Variants in KCNK1 observed in about 807,000 individuals in gnomAD.
KCNK1 encodes the protein potassium channel subfamily K member 1.
Under a neutral mutation model 22.2 loss-of-function variants are expected in KCNK1, and 10 were observed. The observed-to-expected ratio is 0.45, with a 90% CI of 0.28 to 0.76. The LOEUF (loss-of-function observed/expected upper bound fraction) is 0.76, where lower values mean the gene tolerates loss of function less well. Among genes scored for constraint, KCNK1 ranks in the 30% least tolerant of loss-of-function variants. The pLI is 0.14. For synonymous variants in KCNK1, 200 were observed against 186.4 expected (o/e 1.07, Z -0.60); for missense variants, 378 against 421.0 (o/e 0.90, Z 0.89).
intron 1 of KCNK1, among the ~76,000 whole-genome samples, chr1:233,652,265 A>G (rs1027331077): frequency 1.3e-5 from 2 of 152,124 alleles, no homozygotes; most frequent in Non-Finnish European, 2.9e-5. Flanking sequence ...TAAATTCTGG[A>G]AACATCCAGG....
At chr1:233,616,238 G>A (rs1657486489) in intron 1 of KCNK1, among the ~76,000 whole-genome samples, 1 of 152,176 alleles carries the variant, frequency 6.6e-6, no homozygotes, top group Admixed American at 6.5e-5. Context: ...GATGCTTATA[G>A]CGTGTGGTGT....
At chr1:233,614,963 A>G (rs1312670407) in intron 1 of KCNK1, among the ~76,000 whole-genome samples, 2 of 152,022 alleles carry the variant, frequency 1.3e-5, no homozygotes, top group Non-Finnish European at 2.9e-5. Context: ...ATGGAAACTC[A>G]CCACCTTCCT....
Position 233,614,498 on chromosome 1 carries a change from C to T in KCNK1, c.327C>T (p.Phe109=). 3 of 1,608,332 alleles carry T rather than the reference C, an allele frequency of 1.9e-6. 1 individual carries two copies. In the South Asian group the frequency reaches 3.3e-5, roughly 18 times the overall value. The change falls in exon 1 of 3, where the codon TTC becomes TTT. Residue 109 remains phenylalanine (F), a synonymous_variant. Coordinates refer to ENST00000366621, the MANE Select transcript of KCNK1 (RefSeq NM_002245.4). ...ACTGGGACTTCACCTCCGCGCTCTTCTTCGCCAGCACCGTGCTCTCCACCA... is the reference window on the plus strand; with the variant it reads ...ACTGGGACTTCACCTCCGCGCTCTTTTTCGCCAGCACCGTGCTCTCCACCA... The part of the protein sequence containing the change: ...NWNWDFTSAL[F]FASTVLSTTG...
chr1:233,641,884 C>T (rs1356033036), intron 1 of KCNK1, among the ~76,000 whole-genome samples: 1 of 152,210 alleles, frequency 6.6e-6, no homozygotes, highest in Non-Finnish European at 1.5e-5. Context: ...TTTTGAGTGT[C>T]TGCAGGGAGC....
chr1:233,616,721 A>G (rs541765017), intron 1 of KCNK1, among the ~76,000 whole-genome samples: 6 of 152,316 alleles, frequency 3.9e-5, no homozygotes, highest in South Asian at 2.1e-4. Context: ...GACACATTTG[A>G]TATTTCTTAA....
chr1:233,620,455 A>G (rs1033725126), intron 1 of KCNK1, among the ~76,000 whole-genome samples: 3 of 152,206 alleles, frequency 2.0e-5, no homozygotes, highest in African/African-American at 7.2e-5. Context: ...ACCACTTTCA[A>G]AACAAATGTT....
intron 1 of KCNK1, among the ~76,000 whole-genome samples, chr1:233,618,400 C>A (rs1657522714): frequency 6.7e-6 from 1 of 149,232 alleles, no homozygotes. Context: ...TTTTTTTCCC[C>A]AAGGATTGAG....
intron 1 of KCNK1, among the ~76,000 whole-genome samples, chr1:233,656,516 C>G (rs1180755929): frequency 1.3e-5 from 2 of 152,178 alleles, no homozygotes; most frequent in African/African-American, 4.8e-5. Context: ...AGTGCTTTTT[C>G]CCCTTGGCTT....
intron 1 of KCNK1, among the ~76,000 whole-genome samples, chr1:233,625,826 C>A (rs1193203142): frequency 6.6e-6 from 1 of 151,972 alleles, no homozygotes; most frequent in African/African-American, 2.4e-5. Context: ...GAGCTGTGTT[C>A]CAGAACAAAG....
At chr1:233,662,716 A>C (rs924067778) in intron 1 of KCNK1, among the ~76,000 whole-genome samples, 2 of 152,232 alleles carry the variant, frequency 1.3e-5, no homozygotes, top group African/African-American at 4.8e-5. Context: ...ATGCAAGCTC[A>C]TAACAGGAAA....
At chr1:233,653,283 CA>C (rs1474759972) in intron 1 of KCNK1, among the ~76,000 whole-genome samples, 1 of 152,220 alleles carries the variant, frequency 6.6e-6, no homozygotes, top group African/African-American at 2.4e-5. Context: ...CATGGCATGG[CA>C]TGCCCCACTT....
At chr1:233,662,940 T>C (rs1035088825) in intron 1 of KCNK1, among the ~76,000 whole-genome samples, 11 of 152,228 alleles carry the variant, frequency 7.2e-5, no homozygotes, top group African/African-American at 2.7e-4. Flanking sequence ...TCGTGGTTTG[T>C]AATGGAGTTA....
At chr1:233,646,676 A>G (rs984946552) in intron 1 of KCNK1, among the ~76,000 whole-genome samples, 7 of 152,160 alleles carry the variant, frequency 4.6e-5, no homozygotes, top group Non-Finnish European at 8.8e-5. Context: ...CCAAGAAGAA[A>G]GAACCAACAC....
intron 1 of KCNK1, chr1:233,631,373 C>G (rs1189388176): frequency 4.1e-6 from 2 of 481,978 alleles, no homozygotes; most frequent in East Asian, 6.0e-5. Flanking sequence ...TTTAATTAGG[C>G]CTGCTTCTTT....
intron 1 of KCNK1, among the ~76,000 whole-genome samples, chr1:233,633,440 T>C (rs1657840331): frequency 6.6e-6 from 1 of 152,120 alleles, no homozygotes; most frequent in Non-Finnish European, 1.5e-5. Context: ...TTAATGTTTG[T>C]TTTTCTGAAG....
chr1:233,614,596 C>T (rs1180980453), intron 1 of KCNK1, 70 bp downstream of exon 1: 4 of 1,282,348 alleles, frequency 3.1e-6, no homozygotes, highest in African/African-American at 3.0e-5. Context: ...CCGGCCCCGG[C>T]GCCCCGGGCC....
chr1:233,643,652 G>C (rs1237938390), intron 1 of KCNK1, among the ~76,000 whole-genome samples: 1 of 150,264 alleles, frequency 6.7e-6, no homozygotes, highest in African/African-American at 2.5e-5. Flanking sequence ...TCTTAGACCA[G>C]GTTGGCAGGA....
rs1406077044 is a variant in KCNK1, at chr1:233,634,163, G to A, written c.355+19637G>A. ...TCTACTAAAAATACAAAAATTAGCT[G>A]GGTGTGGTGGAGGGTGCCTGTAATC... On this transcript the variant is annotated intron_variant, in intron 1 of 2. Coordinates refer to ENST00000366621, the MANE Select transcript of KCNK1 (RefSeq NM_002245.4). Among the ~76,000 whole-genome samples the A allele has an allele frequency of 2.6e-5, 4 of 151,814 alleles. No homozygotes were observed. In the South Asian group the frequency reaches 6.3e-4, roughly 24 times the overall value.
chr1:233,628,760 AAATAAT>A (rs58722587), intron 1 of KCNK1, among the ~76,000 whole-genome samples: 3 of 148,794 alleles, frequency 2.0e-5, no homozygotes, highest in Non-Finnish European at 2.9e-5. Context: ...ACTCTGTCTC[AAATAAT>A]AATAATAATA....
Sources: gnomAD v4.1 joint callset for allele counts (sites outside exome capture counted in the v4.1 genomes callset) on GRCh38, gnomAD v4.1.1 for gene constraint, MANE v1.5 for transcripts, NCBI Gene and HGNC (gene_info 2026-07-23, HGNC 2026-07-21) for gene names.